THBS2: variants seen among roughly 807,000 people sequenced by gnomAD.
THBS2 encodes the protein thrombospondin 2, also known as thrombospondin-2.
A neutral mutation model predicts 135.2 loss-of-function variants in THBS2; 47 were observed. The ratio of observed to expected loss-of-function variants is 0.35; its 90% CI spans 0.28 to 0.44. THBS2 has a LOEUF of 0.44. Among genes scored for constraint, THBS2 ranks in the 20% least tolerant of loss-of-function variants. THBS2 has a pLI of 1.00. For missense variants in THBS2, 1,288 were observed against 1,603.1 expected (o/e 0.80, Z 3.36); for synonymous variants, 639 against 633.8 (o/e 1.01, Z -0.12).
intron 15 of THBS2, among the ~76,000 whole-genome samples, chr6:169,227,509 G>A (rs995100359): frequency 1.3e-5 from 2 of 152,108 alleles, no homozygotes; most frequent in Admixed American, 6.6e-5. Flanking sequence ...TTGAATGAAG[G>A]GTGAACATTA....
intron 14 of THBS2, 25 bp from the exon 15 acceptor site, chr6:169,228,306 T>C (rs1779713511): frequency 3.7e-6 from 6 of 1,611,612 alleles, no homozygotes; most frequent in African/African-American, 1.3e-5. Context: ...AAGGGAAGAC[T>C]TTAACGAAGA....
chr6:169,240,191 C>G (rs868057584), intron 6 of THBS2, among the ~76,000 whole-genome samples: 3 of 152,210 alleles, frequency 2.0e-5, no homozygotes, highest in African/African-American at 7.2e-5. Context: ...CTTCTCTGTT[C>G]CTCCTGTTTC....
At chr6:169,232,506 G>T (rs1779879131) in intron 12 of THBS2, among the ~76,000 whole-genome samples, 158 bp downstream of exon 12, 1 of 152,176 alleles carries the variant, frequency 6.6e-6, no homozygotes, top group South Asian at 2.1e-4. Context: ...GAGAGCAGCG[G>T]CCCAGCCGAG....
intron 18 of THBS2, among the ~76,000 whole-genome samples, chr6:169,222,898 G>A (rs890395730): frequency 2.6e-4 from 40 of 152,042 alleles, no homozygotes; most frequent in African/African-American, 8.7e-4. Context: ...CAGGCAGGGC[G>A]GGCTCCCCTC....
At chr6:169,240,372 C>T in intron 6 of THBS2, 80 bp downstream of exon 6, 2 of 1,569,522 alleles carry the variant, frequency 1.3e-6, no homozygotes, top group Middle Eastern at 2.3e-4. Context: ...GCACTGAACG[C>T]TGGCATTTCC....
chr6:169,218,869 G>T (rs577647910), intron 21 of THBS2, among the ~76,000 whole-genome samples: 2 of 150,176 alleles, frequency 1.3e-5, no homozygotes, highest in East Asian at 4.0e-4. Flanking sequence ...GATAAGTGCT[G>T]GGTGGATGGA....
chr6:169,237,647 A>G lies in THBS2; in HGVS notation c.1278T>C (p.Ser426=), dbSNP rs760688619. 4 of 1,612,734 alleles carry G rather than the reference A, an allele frequency of 2.5e-6. No individual in the cohort carries two copies. Among genetic ancestry groups the G allele is most frequent in the South Asian group, 2.2e-5 (2 of 91,070 alleles). Residue 426 remains serine (S), a synonymous_variant, in exon 8 of 22, where the codon AGT becomes AGC. Transcript: ENST00000617924. The stretch of plus-strand genomic sequence containing the variant: ...CACTGCGGGTGTCACACTTGCTCAG[A>G]CTGCAAGCCCGTGTCTGGATGGAGG... The part of the protein sequence containing the change: ...LGPSIQTRAC[S]LSKCDTRIRQ...
rs1455497499 is a variant in THBS2, at chr6:169,217,407, A to G, written c.*415T>C. ...CAACTTTAAGCACCAAAAGTAGTTC[A>G]GCAATATTTTTCATGCTTAATTTAT... On this transcript the variant is annotated 3_prime_UTR_variant, in exon 22 of 22. Transcript: ENST00000617924. The G allele has an allele frequency of 5.7e-6, 1 of 175,214 alleles. No individual in the cohort carries two copies. The highest frequency in any genetic ancestry group is 1.2e-5 in the Non-Finnish European group (1 of 83,654). The allele number at this position is 175,214 out of a possible 1,614,324, so 10.9% of individuals were successfully genotyped here. A position where few individuals can be genotyped will look rare whatever the true frequency, so the allele number is the denominator to read the frequency against.
intron 9 of THBS2, among the ~76,000 whole-genome samples, chr6:169,236,473 T>TC (rs1157567488): frequency 1.8e-5 from 1 of 55,230 alleles, no homozygotes; most frequent in Non-Finnish European, 3.7e-5. Context: ...CCACACTCAC[T>TC]CCCCATCCAC....
intron 21 of THBS2, 50 bp from the exon 22 acceptor site, chr6:169,217,879 G>T: frequency 6.4e-7 from 1 of 1,561,758 alleles, no homozygotes; most frequent in African/African-American, 1.4e-5. Context: ...ACTGGGCCAT[G>T]GGTAGTGATT....
intron 9 of THBS2, 94 bp from the exon 10 acceptor site, chr6:169,235,001 G>A: frequency 7.6e-7 from 1 of 1,309,328 alleles, no homozygotes; most frequent in Non-Finnish European, 1.0e-6. Context: ...GTGGGACATG[G>A]TGTTCCCTAC....
intron 9 of THBS2, among the ~76,000 whole-genome samples, chr6:169,236,835 T>TCCCCATCCACACTCACTC (rs1278758225): frequency 1.4e-5 from 2 of 141,412 alleles, no homozygotes; most frequent in African/African-American, 2.7e-5. Context: ...CCACACTCAC[T>TCCCCATCCACACTCACTC]CCCCATCCAC....
chr6:169,235,965 C>CCCATCCACAGTCACT (rs1583413403), intron 9 of THBS2, among the ~76,000 whole-genome samples: 2 of 89,582 alleles, frequency 2.2e-5, no homozygotes, highest in East Asian at 5.0e-4. Context: ...CACACTCACT[C>CCCATCCACAGTCACT]CCCCATCCAC....
At chr6:169,236,131 C>T (rs1469639791) in intron 9 of THBS2, among the ~76,000 whole-genome samples, 4 of 93,450 alleles carry the variant, frequency 4.3e-5, no homozygotes, top group Non-Finnish European at 2.2e-5. Flanking sequence ...CCCCCTTAAA[C>T]ACCATCCACA....
At chr6:169,249,339 C>T (rs533017811) in intron 2 of THBS2, among the ~76,000 whole-genome samples, 24 of 152,276 alleles carry the variant, frequency 1.6e-4, no homozygotes, top group South Asian at 8.3e-4. Flanking sequence ...ATCCCGGCCT[C>T]GCTTGACATC....
chr6:169,249,055 C>G, intron 2 of THBS2, 82 bp from the exon 3 acceptor site: 1 of 1,361,746 alleles, frequency 7.3e-7, no homozygotes, highest in Non-Finnish European at 9.9e-7. Flanking sequence ...AAACCAGAAC[C>G]TCGCGTGTAA....
Position 169,250,810 on chromosome 6 carries a change from G to GGAAT in THBS2, c.-22-8_-22-5dup. ...CCTGCCTCCTGCAGCTGAGCTCCTGGGAATACAGGAAACCCTTGTTAGTGA... is the reference window on the plus strand; with the variant it reads ...CCTGCCTCCTGCAGCTGAGCTCCTGGGAATGAATACAGGAAACCCTTGTTAGTGA... On this transcript the variant is annotated splice_polypyrimidine_tract_variant and splice_region_variant and intron_variant, in intron 1 of 21. Coordinates refer to ENST00000617924, the MANE Select transcript of THBS2 (RefSeq NM_003247.5). 6.2e-7 allele frequency: 1 copy of GGAAT among 1,608,562 alleles called. No individual in the cohort carries two copies. The highest frequency in any genetic ancestry group is 8.5e-7 in the Non-Finnish European group (1 of 1,177,026).
rs777224727 is a variant in THBS2 at position 169,222,425 on chromosome 6, G to A, written c.3045C>T (p.Tyr1015=). ...AGTCGTCGTCCCGGTCAGTGTTTAC[G>A]TAGAATGTGCCACTGAAGTCCACAG... ...FGSVDFSGTF[Y]VNTDRDDDYA... Residue 1015 remains tyrosine, a synonymous_variant, in exon 19 of 22, where the codon TAC becomes TAT. Transcript: ENST00000617924. The A allele has an allele frequency of 1.7e-5, 28 of 1,613,658 alleles. No homozygotes were observed. The East Asian group carries it at 2.9e-4, about 17-fold the overall frequency.
rs1008390639 is a variant in THBS2 at position 169,237,684 on chromosome 6, G to T, written c.1241C>A (p.Thr414Asn). The T allele has an allele frequency of 1.2e-6, 2 of 1,612,942 alleles. No individual in the cohort carries two copies. Among genetic ancestry groups the T allele is most frequent in the Non-Finnish European group, 8.5e-7 (1 of 1,179,952 alleles). ...TGTCTGGATGGAGGGCCCCAAGCAG[G>T]TGTTGCTGGTGACGTCACAGGACCG... Reference protein sequence around the residue: ...RGRSCDVTSNTCLGPSIQTRA... With the variant: ...RGRSCDVTSNNCLGPSIQTRA... The change falls in exon 8 of 22, where the codon ACC becomes AAC. Residue 414 changes from threonine (T) to asparagine (N), a missense_variant. Physicochemically the swap from Thr to Asn is moderately conservative, Grantham distance 65. This residue lies in a region of THBS2 where 874 missense variants were observed against 1,156.1 expected (regional missense o/e 0.76). Coordinates refer to ENST00000617924, the MANE Select transcript of THBS2 (RefSeq NM_003247.5).
Sources: allele counts gnomAD v4.1 joint callset (sites outside exome capture counted in the v4.1 genomes callset), GRCh38; gene constraint gnomAD v4.1.1; regional missense constraint gnomAD v4.1.1; transcripts MANE v1.5; gene names NCBI Gene and HGNC (gene_info 2026-07-23, HGNC 2026-07-21).